The following MAGI2 variants were observed in gnomAD, a reference collection of about 807,000 sequenced individuals.
MAGI2 encodes the protein membrane associated guanylate kinase, WW and PDZ domain containing 2.
In MAGI2, 35 loss-of-function variants were observed where a neutral mutation model predicts 133.3. The observed-to-expected ratio is 0.26, with a 90% confidence interval of 0.20 to 0.35. The LOEUF is 0.35. Ranked by LOEUF, MAGI2 falls within the 10% of genes least tolerant of loss-of-function variation. MAGI2 has a pLI of 1.00. For synonymous variants in MAGI2, 729 were observed against 710.6 expected (o/e 1.03, Z -0.41); for missense variants, 1,636 against 1,863.4 (o/e 0.88, Z 2.25).
intron 9 of MAGI2, among the ~76,000 whole-genome samples, chr7:78,258,517 A>G (rs539108266): frequency 6.6e-6 from 1 of 152,210 alleles, no homozygotes; most frequent in East Asian, 1.9e-4. Flanking sequence ...GCACTCCTTT[A>G]CAGCCCTTTC....
intron 10 of MAGI2, among the ~76,000 whole-genome samples, chr7:78,228,415 C>A (rs770999528): frequency 6.4e-4 from 98 of 152,214 alleles, no homozygotes; most frequent in Non-Finnish European, 5.4e-4. Flanking sequence ...CTCACCACAT[C>A]TAGAATGGTT....
chr7:78,969,970 C>T (rs1803652665), intron 2 of MAGI2, among the ~76,000 whole-genome samples: 1 of 151,696 alleles, frequency 6.6e-6, no homozygotes, highest in African/African-American at 2.4e-5. Flanking sequence ...ATAAGCTGCC[C>T]AAGGTTGCAT....
At position 78,047,684 on chromosome 7, in the gene MAGI2, G is replaced by A. The variant is rs555423124; in HGVS notation, c.3707-27708C>T. Among the ~76,000 whole-genome samples the A allele has an allele frequency of 7.2e-5, 11 of 152,316 alleles. No homozygotes were observed. The South Asian group carries it at 2.3e-3, about 32-fold the overall frequency. On this transcript the variant is annotated intron_variant, in intron 21 of 21. Transcript: ENST00000354212. ...TTGTCCTTGTGGCCCCCAGCTCCAGGAACTCCTTTGTTGCCCCACTGCTCT... is the reference window on the plus strand; with the variant it reads ...TTGTCCTTGTGGCCCCCAGCTCCAGAAACTCCTTTGTTGCCCCACTGCTCT...
chr7:79,001,488 T>C (rs1806851746), intron 2 of MAGI2, among the ~76,000 whole-genome samples: 1 of 152,204 alleles, frequency 6.6e-6, no homozygotes, highest in Admixed American at 6.6e-5. Flanking sequence ...ATATCTGTTC[T>C]TATACTTGCT....
chr7:78,867,386 T>C (rs1395600499), intron 2 of MAGI2, among the ~76,000 whole-genome samples: 1 of 150,860 alleles, frequency 6.6e-6, no homozygotes, highest in East Asian at 1.9e-4. Context: ...TCATGTCCTT[T>C]GTAGGGACAT....
At chr7:78,463,779 G>T (rs1254979296) in intron 6 of MAGI2, among the ~76,000 whole-genome samples, 1 of 152,170 alleles carries the variant, frequency 6.6e-6, no homozygotes, top group Non-Finnish European at 1.5e-5. Context: ...TGTCTACTAT[G>T]CATACTAAGT....
chr7:79,248,612 G>A (rs1474336083), intron 1 of MAGI2, among the ~76,000 whole-genome samples: 2 of 152,042 alleles, frequency 1.3e-5, no homozygotes, highest in Non-Finnish European at 2.9e-5. Context: ...CAAATCATAA[G>A]TTAGACCACA....
intron 2 of MAGI2, among the ~76,000 whole-genome samples, chr7:78,972,647 A>G (rs184701867): frequency 2.1e-3 from 314 of 151,982 alleles, no homozygotes; most frequent in Non-Finnish European, 1.7e-3. Context: ...TAGGCATTAT[A>G]TAATATATAT....
intron 3 of MAGI2, among the ~76,000 whole-genome samples, chr7:78,605,102 A>T (rs1805660023): frequency 6.6e-6 from 1 of 152,186 alleles, no homozygotes; most frequent in African/African-American, 2.4e-5. Flanking sequence ...TTCAAAACAT[A>T]CCTCTAGATG....
rs531928192 is a variant in MAGI2 at position 78,479,729 on chromosome 7, G to A, written c.1045+10032C>T. 1.8e-4 allele frequency among the ~76,000 whole-genome samples: 28 copies of A among 151,890 alleles called. 1 individual carries two copies. In the South Asian group the frequency reaches 5.8e-3, roughly 32 times the overall value. ...ATGTCCAGGATAAACATAAATATAG[G>A]CCATGAGCCAGGAAAAACAAATTGG... On this transcript the variant is annotated intron_variant, in intron 6 of 21. Coordinates refer to ENST00000354212, the MANE Select transcript of MAGI2 (RefSeq NM_012301.4).
intron 6 of MAGI2, among the ~76,000 whole-genome samples, chr7:78,380,112 A>T (rs1297226241): frequency 6.6e-6 from 1 of 151,150 alleles, no homozygotes; most frequent in Non-Finnish European, 1.5e-5. Context: ...AAAAAGCTAT[A>T]AAAAGAACAA....
At chr7:78,095,881 A>G (rs1286025879) in intron 20 of MAGI2, among the ~76,000 whole-genome samples, 1 of 152,212 alleles carries the variant, frequency 6.6e-6, no homozygotes, top group Non-Finnish European at 1.5e-5. Context: ...AACTTATATT[A>G]TCATACCATG....
chr7:79,019,585 C>A (rs1809083200), intron 1 of MAGI2, among the ~76,000 whole-genome samples: 2 of 151,612 alleles, frequency 1.3e-5, no homozygotes, highest in South Asian at 4.2e-4. Context: ...CTTGCTCTGT[C>A]ACCCAGGCTG....
At chr7:78,908,272 T>C (rs1798132461) in intron 2 of MAGI2, among the ~76,000 whole-genome samples, 3 of 152,230 alleles carry the variant, frequency 2.0e-5, no homozygotes, top group South Asian at 4.1e-4. Context: ...TGTCATTATA[T>C]TTGTTTTACA....
At chr7:78,704,789 T>C (rs929327210) in intron 2 of MAGI2, among the ~76,000 whole-genome samples, 3 of 140,256 alleles carry the variant, frequency 2.1e-5, no homozygotes, top group Non-Finnish European at 4.7e-5. Flanking sequence ...TTTTTTTTTT[T>C]TTTTTTTCTG....
intron 2 of MAGI2, among the ~76,000 whole-genome samples, chr7:78,998,121 A>C (rs1327169927): frequency 6.6e-6 from 1 of 152,200 alleles, no homozygotes. Context: ...CCTTAACTTG[A>C]CATTCATAGA....
intron 1 of MAGI2, among the ~76,000 whole-genome samples, chr7:79,169,808 T>C (rs1825335748): frequency 6.6e-6 from 1 of 152,096 alleles, no homozygotes; most frequent in African/African-American, 2.4e-5. Flanking sequence ...CGGAATCCTG[T>C]AGCTGTTCAA....
intron 1 of MAGI2, among the ~76,000 whole-genome samples, chr7:79,084,268 T>C (rs1816294784): frequency 6.6e-6 from 1 of 151,778 alleles, no homozygotes; most frequent in South Asian, 2.1e-4. Flanking sequence ...TCTATTTTAT[T>C]TTCAAATATG....
intron 3 of MAGI2, among the ~76,000 whole-genome samples, chr7:78,580,910 T>G (rs1034555154): frequency 6.6e-6 from 1 of 152,170 alleles, no homozygotes; most frequent in Non-Finnish European, 1.5e-5. Flanking sequence ...CCCATCCCAA[T>G]CAAGATAATG....
Sources: gnomAD v4.1 joint callset for allele counts (sites outside exome capture counted in the v4.1 genomes callset) on GRCh38, gnomAD v4.1.1 for gene constraint, MANE v1.5 for transcripts, NCBI Gene and HGNC (gene_info 2026-07-23, HGNC 2026-07-21) for gene names.